The following SLC9A9 variants were observed in gnomAD, a reference collection of about 807,000 sequenced individuals.
SLC9A9 encodes sodium/hydrogen exchanger 9.
A neutral mutation model predicts 77.8 loss-of-function variants in SLC9A9; 62 were observed. The observed-to-expected ratio is 0.80, with a 90% CI of 0.65 to 0.98. The LOEUF is 0.98. Ranked by LOEUF, SLC9A9 falls within the 50% of genes least tolerant of loss-of-function variation. The pLI, the probability that SLC9A9 is intolerant of heterozygous loss-of-function variation, is 0.00. For missense variants in SLC9A9, 775 were observed against 774.9 expected, an observed-to-expected ratio of 1.00 and a Z score of 0.00; for synonymous variants, 320 against 283.5, an observed-to-expected ratio of 1.13 and a Z score of -1.29.
intron 13 of SLC9A9, among the ~76,000 whole-genome samples, chr3:143,374,243 G>A (rs1404471175): frequency 2.0e-5 from 3 of 151,834 alleles, no homozygotes; most frequent in African/African-American, 7.3e-5. Flanking sequence ...GGCTAACATG[G>A]TGAAACCCCG....
At chr3:143,787,992 T>C (rs2008103829) in intron 4 of SLC9A9, among the ~76,000 whole-genome samples, 1 of 152,192 alleles carries the variant, frequency 6.6e-6, no homozygotes, top group Non-Finnish European at 1.5e-5. Flanking sequence ...TATACAGACT[T>C]ATTATGAAGT....
intron 6 of SLC9A9, among the ~76,000 whole-genome samples, chr3:143,637,574 T>C (rs2038545232): frequency 6.6e-6 from 1 of 152,232 alleles, no homozygotes. Flanking sequence ...TTAGTAAGTA[T>C]ATATGCTTTG....
intron 6 of SLC9A9, among the ~76,000 whole-genome samples, chr3:143,618,982 A>G (rs1370033863): frequency 1.3e-5 from 2 of 152,180 alleles, no homozygotes; most frequent in African/African-American, 4.8e-5. Flanking sequence ...GAAAATTGGG[A>G]TAGCTTCCAC....
intron 6 of SLC9A9, among the ~76,000 whole-genome samples, chr3:143,609,574 G>A (rs1333153284): frequency 6.6e-6 from 1 of 152,032 alleles, no homozygotes; most frequent in East Asian, 1.9e-4. Context: ...GTGAAAAGTG[G>A]AAGACTTTTC....
At chr3:143,323,333 A>C (rs1266702671) in intron 14 of SLC9A9, among the ~76,000 whole-genome samples, 1 of 152,228 alleles carries the variant, frequency 6.6e-6, no homozygotes, top group African/African-American at 2.4e-5. Context: ...TCATCAATGA[A>C]TGAATGGATA....
At chr3:143,714,625 G>A (rs76122082) in intron 4 of SLC9A9, among the ~76,000 whole-genome samples, 5,244 of 152,136 alleles carry the variant, frequency 0.034, 292 homozygotes, top group African/African-American at 0.12. Flanking sequence ...TTACTAGTAC[G>A]TCAAACGCCA....
intron 6 of SLC9A9, among the ~76,000 whole-genome samples, chr3:143,584,027 G>A (rs1362717027): frequency 2.0e-5 from 3 of 152,208 alleles, no homozygotes; most frequent in Non-Finnish European, 4.4e-5. Context: ...GGAGGAAGAA[G>A]AGATGTTGTG....
chr3:143,538,788 T>C (rs1278561841), intron 9 of SLC9A9, among the ~76,000 whole-genome samples: 2 of 152,232 alleles, frequency 1.3e-5, no homozygotes, highest in Admixed American at 6.5e-5. Flanking sequence ...GCAATTGTCC[T>C]GGAAACCCCA....
intron 9 of SLC9A9, among the ~76,000 whole-genome samples, chr3:143,539,132 A>T (rs2036643330): frequency 6.6e-6 from 1 of 152,180 alleles, no homozygotes. Context: ...CTATCATAAC[A>T]GTTTATTCTC....
chr3:143,638,703 A>G (rs780881866), intron 6 of SLC9A9, among the ~76,000 whole-genome samples: 2 of 152,224 alleles, frequency 1.3e-5, no homozygotes, highest in Middle Eastern at 3.2e-3. Flanking sequence ...TTTATCTTCC[A>G]ATAGCTGGCA....
intron 9 of SLC9A9, among the ~76,000 whole-genome samples, chr3:143,527,428 C>T (rs370161729): frequency 1.3e-5 from 2 of 152,130 alleles, no homozygotes; most frequent in African/African-American, 4.8e-5. Flanking sequence ...AACAGTAGCA[C>T]AAGGTTGAAG....
At chr3:143,284,799 G>A (rs1254277765) in intron 14 of SLC9A9, among the ~76,000 whole-genome samples, 1 of 152,062 alleles carries the variant, frequency 6.6e-6, no homozygotes, top group Admixed American at 6.5e-5. Context: ...TGCTGGGAGG[G>A]TCCCTGCTGT....
chr3:143,406,623 C>G (rs2033987475), intron 12 of SLC9A9, among the ~76,000 whole-genome samples: 1 of 152,028 alleles, frequency 6.6e-6, no homozygotes, highest in Admixed American at 6.5e-5. Context: ...AAAAAGTATG[C>G]TATTTCTTCA....
intron 9 of SLC9A9, among the ~76,000 whole-genome samples, chr3:143,536,309 T>C (rs1338565991): frequency 6.6e-6 from 1 of 152,068 alleles, no homozygotes; most frequent in Non-Finnish European, 1.5e-5. Context: ...TGTAGACCCA[T>C]GTAAATTACT....
chr3:143,537,167 A>ACTC lies in SLC9A9; in HGVS notation c.1089+15192_1089+15194dup, dbSNP rs1209590038. On this transcript the variant is annotated intron_variant, in intron 9 of 15. Transcript: ENST00000316549. Reference sequence around the variant, plus strand: ...CATCTGGTGTCTTTCTAGATGCTCAACTCTGGCCACTCTTTAGAATCACTT... The same window carrying ACTC: ...CATCTGGTGTCTTTCTAGATGCTCAACTCCTCTGGCCACTCTTTAGAATCACTT... 2.6e-5 allele frequency among the ~76,000 whole-genome samples: 4 copies of ACTC among 152,310 alleles called. No homozygotes were observed. In the East Asian group the frequency reaches 7.7e-4, roughly 29 times the overall value.
At chr3:143,806,739 G>GGT (rs1553724409) in intron 2 of SLC9A9, among the ~76,000 whole-genome samples, 1 of 150,272 alleles carries the variant, frequency 6.7e-6, no homozygotes, top group African/African-American at 2.4e-5. Context: ...TGTGGTGGTG[G>GGT]GGGGGGCAAG....
intron 5 of SLC9A9, among the ~76,000 whole-genome samples, chr3:143,678,295 G>A (rs1197467486): frequency 1.3e-5 from 2 of 152,004 alleles, no homozygotes; most frequent in Non-Finnish European, 2.9e-5. Context: ...CCACTTAAAT[G>A]TATTTTCTTT....
intron 5 of SLC9A9, among the ~76,000 whole-genome samples, chr3:143,675,059 G>A (rs1029261404): frequency 1.3e-5 from 2 of 152,182 alleles, no homozygotes; most frequent in Non-Finnish European, 2.9e-5. Context: ...AGTACTTTCA[G>A]ACTCTCCAAG....
At chr3:143,357,489 C>G (rs1341684325) in intron 14 of SLC9A9, among the ~76,000 whole-genome samples, 3 of 152,116 alleles carry the variant, frequency 2.0e-5, no homozygotes, top group African/African-American at 7.2e-5. Context: ...ACATACCTCT[C>G]CTTTAGACAG....
Sources: gnomAD v4.1 joint callset for allele counts (sites outside exome capture counted in the v4.1 genomes callset) on GRCh38, gnomAD v4.1.1 for gene constraint, MANE v1.5 for transcripts, NCBI Gene and HGNC (gene_info 2026-07-23, HGNC 2026-07-21) for gene names.